The following MED12L variants were observed in gnomAD, a reference collection of about 807,000 sequenced individuals.
MED12L encodes the protein mediator of RNA polymerase II transcription subunit 12-like protein.
MED12L carries 60 observed loss-of-function variants against 281.3 expected under a neutral mutation model. The observed-to-expected ratio is 0.21, with a 90% CI of 0.17 to 0.26. The LOEUF is 0.26. Among genes scored for constraint, MED12L ranks in the 10% least tolerant of loss-of-function variants. The pLI, the probability that MED12L is intolerant of heterozygous loss-of-function variation, is 1.00. For synonymous variants in MED12L, 974 were observed against 987.2 expected (o/e 0.99, Z 0.25); for missense variants, 2,146 against 2,680.9 (o/e 0.80, Z 4.41).
At chr3:151,332,031 A>G (rs564976714) in intron 16 of MED12L, among the ~76,000 whole-genome samples, 1 of 152,244 alleles carries the variant, frequency 6.6e-6, no homozygotes, top group Non-Finnish European at 1.5e-5. Context: ...CTGATGTGTG[A>G]GAAGGAAACA....
At chr3:151,280,778 A>G (rs1196592597) in intron 16 of MED12L, among the ~76,000 whole-genome samples, 3 of 151,594 alleles carry the variant, frequency 2.0e-5, no homozygotes, top group African/African-American at 4.9e-5. Context: ...ATACTCGTAC[A>G]CTCGATTGAA....
intron 3 of MED12L, among the ~76,000 whole-genome samples, chr3:151,121,567 C>T (rs908245482): frequency 1.3e-5 from 2 of 152,184 alleles, no homozygotes; most frequent in African/African-American, 4.8e-5. Context: ...TCATGGTTGC[C>T]ACTTTCTGCT....
At chr3:151,342,841 A>G (rs1455863437) in intron 16 of MED12L, among the ~76,000 whole-genome samples, 1 of 152,200 alleles carries the variant, frequency 6.6e-6, no homozygotes, top group Non-Finnish European at 1.5e-5. Flanking sequence ...ACTTCAAATA[A>G]TAATTGTCAA....
At chr3:151,355,383 A>G (rs1333433972) in intron 18 of MED12L, 144 bp downstream of exon 18, 2 of 567,636 alleles carry the variant, frequency 3.5e-6, no homozygotes, top group Non-Finnish European at 6.2e-6. Context: ...ACTATTGAGT[A>G]GTTCTTTTAA....
intron 16 of MED12L, among the ~76,000 whole-genome samples, chr3:151,230,279 C>A (rs1308247982): frequency 6.6e-6 from 1 of 152,206 alleles, no homozygotes; most frequent in Admixed American, 6.5e-5. Flanking sequence ...CGGCCGGGAT[C>A]TGTTCTTGAA....
chr3:151,293,638 TACACACACACACACACAC>T (rs199892582), intron 16 of MED12L, among the ~76,000 whole-genome samples: 28 of 99,748 alleles, frequency 2.8e-4, no homozygotes, highest in African/African-American at 1.0e-3. Flanking sequence ...ATGAAGCCCT[TACACACACACACACACAC>T]ACACACACAC....
At chr3:151,299,253 G>T (rs1296300334) in intron 16 of MED12L, among the ~76,000 whole-genome samples, 1 of 152,130 alleles carries the variant, frequency 6.6e-6, no homozygotes, top group East Asian at 1.9e-4. Context: ...TGCCAGGTGG[G>T]AATGAAATAA....
intron 16 of MED12L, among the ~76,000 whole-genome samples, chr3:151,299,170 C>CT (rs769775782): frequency 6.6e-6 from 1 of 152,100 alleles, no homozygotes; most frequent in Non-Finnish European, 1.5e-5. Context: ...TTTGGTGAAG[C>CT]TACATCATTG....
intron 2 of MED12L, among the ~76,000 whole-genome samples, chr3:151,087,892 G>GTT (rs146672788): frequency 2.8e-4 from 41 of 147,182 alleles, no homozygotes; most frequent in African/African-American, 9.7e-4. Flanking sequence ...CCTTTTTTTT[G>GTT]TTTTTTTTTT....
Position 151,354,710 on chromosome 3 carries a change from C to G in MED12L, c.2399-411C>G, listed in dbSNP as rs370402849. ...GGTGGTACAGTAACACATTGGAATA[C>G]TGTAAATAAGTGAGAATTATTAGTT... On this transcript the variant is annotated intron_variant, in intron 17 of 44. Coordinates refer to ENST00000687756, the MANE Select transcript of MED12L (RefSeq NM_001393769.1). 1.4e-4 allele frequency among the ~76,000 whole-genome samples: 22 copies of G among 152,266 alleles called. No individual in the cohort carries two copies. The South Asian group carries it at 3.5e-3, about 24-fold the overall frequency.
chr3:151,284,038 G>A (rs1192496766), intron 16 of MED12L, among the ~76,000 whole-genome samples: 8 of 152,180 alleles, frequency 5.3e-5, no homozygotes, highest in Admixed American at 3.9e-4. Flanking sequence ...ACAGGCCTTG[G>A]GAAGTCACTG....
chr3:151,195,951 G>A (rs532765674), intron 16 of MED12L, among the ~76,000 whole-genome samples: 1 of 152,204 alleles, frequency 6.6e-6, no homozygotes, highest in African/African-American at 2.4e-5. Flanking sequence ...AATGTTGAAA[G>A]TGTTTGAAAC....
At chr3:151,166,517 G>T (rs771410052) in intron 11 of MED12L, among the ~76,000 whole-genome samples, 11 of 152,158 alleles carry the variant, frequency 7.2e-5, no homozygotes, top group Non-Finnish European at 1.6e-4. Context: ...GGGGAGAAAA[G>T]AGAGGGGTAT....
Position 151,416,189 on chromosome 3 carries a change from G to A in MED12L, c.6298-123G>A, listed in dbSNP as rs1577599515. The A allele has an allele frequency of 4.6e-6, 7 of 1,533,590 alleles. No homozygotes were observed. In the East Asian group the frequency reaches 1.6e-4, roughly 34 times the overall value. 95.0% of individuals were successfully genotyped at this position (1,533,590 alleles called of 1,614,324 possible). ...GGTTCAGCAAGGTAGAGATGCAGCA[G>A]GCAGGTATATATTGTTTTTACTACA... On this transcript the variant is annotated intron_variant, in intron 42 of 44. Coordinates refer to ENST00000687756, the MANE Select transcript of MED12L (RefSeq NM_001393769.1).
intron 16 of MED12L, among the ~76,000 whole-genome samples, chr3:151,215,411 A>G (rs930777214): frequency 6.6e-6 from 1 of 152,132 alleles, no homozygotes; most frequent in Admixed American, 6.5e-5. Context: ...ATGTTGAAGT[A>G]ATATTCTACA....
chr3:151,292,391 AT>A, intron 16 of MED12L, among the ~76,000 whole-genome samples: 1 of 151,128 alleles, frequency 6.6e-6, no homozygotes, highest in East Asian at 1.9e-4. Flanking sequence ...AGTTCAAAAG[AT>A]TCTCCTGCCT....
chr3:151,382,564 G>T (rs1401520017), intron 32 of MED12L, 92 bp from the exon 33 acceptor site: 1 of 696,248 alleles, frequency 1.4e-6, no homozygotes, highest in Admixed American at 3.5e-5. Context: ...TTAAAGATAA[G>T]AAGTGGTTTT....
chr3:151,279,857 T>C (rs1286279189), intron 16 of MED12L, among the ~76,000 whole-genome samples: 1 of 152,240 alleles, frequency 6.6e-6, no homozygotes, highest in East Asian at 1.9e-4. Flanking sequence ...TTGCAGGAGA[T>C]GCTGTTTACT....
At chr3:151,309,551 C>T (rs1021009975) in intron 16 of MED12L, among the ~76,000 whole-genome samples, 2 of 152,172 alleles carry the variant, frequency 1.3e-5, no homozygotes, top group African/African-American at 4.8e-5. Context: ...TCCTGAAAAT[C>T]CCTTCTGCCT....
Sources: allele counts gnomAD v4.1 joint callset (sites outside exome capture counted in the v4.1 genomes callset), GRCh38; gene constraint gnomAD v4.1.1; transcripts MANE v1.5; gene names NCBI Gene and HGNC (gene_info 2026-07-23, HGNC 2026-07-21).